Variants in PLCB1 observed in about 807,000 individuals in gnomAD.
The protein encoded by PLCB1 is phospholipase C beta 1, also known as 1-phosphatidylinositol 4,5-bisphosphate phosphodiesterase beta-1.
PLCB1 carries 46 observed loss-of-function variants against 161.8 expected under a neutral mutation model. The ratio of observed to expected loss-of-function variants is 0.28; its 90% CI spans 0.22 to 0.36. The LOEUF is 0.36. PLCB1 is among the 10% of genes least tolerant of loss of function. The pLI is 1.00. For synonymous variants in PLCB1, 517 were observed against 503.7 expected, an observed-to-expected ratio of 1.03 and a Z score of -0.35; for missense variants, 1,016 against 1,472.5, an observed-to-expected ratio of 0.69 and a Z score of 5.07.
chr20:8,133,537 C>A (rs917370278), intron 1 of PLCB1, among the ~76,000 whole-genome samples: 1 of 152,190 alleles, frequency 6.6e-6, no homozygotes, highest in African/African-American at 2.4e-5. Flanking sequence ...CCTAGCCCAG[C>A]GCCGGGGTCT....
At chr20:8,422,184 A>T (rs1030640491) in intron 3 of PLCB1, among the ~76,000 whole-genome samples, 1 of 152,218 alleles carries the variant, frequency 6.6e-6, no homozygotes, top group Non-Finnish European at 1.5e-5. Context: ...TCCCAGGCAT[A>T]GCGTCAGCTG....
chr20:8,658,896 CATT>C (rs144211669), intron 9 of PLCB1, among the ~76,000 whole-genome samples, 192 bp downstream of exon 9: 16 of 152,108 alleles, frequency 1.1e-4, no homozygotes, highest in African/African-American at 2.2e-4. Flanking sequence ...ATTTTTTTGT[CATT>C]GTTGTTATAT....
chr20:8,524,483 T>C (rs1283278441), intron 3 of PLCB1, among the ~76,000 whole-genome samples: 1 of 152,206 alleles, frequency 6.6e-6, no homozygotes, highest in African/African-American at 2.4e-5. Flanking sequence ...CAAATTAGGA[T>C]GAGAATAACC....
intron 31 of PLCB1, among the ~76,000 whole-genome samples, chr20:8,791,170 G>T (rs972382567): frequency 6.6e-6 from 1 of 151,812 alleles, no homozygotes; most frequent in Admixed American, 6.6e-5. Flanking sequence ...TATTATATAA[G>T]ACATTTATTT....
At chr20:8,544,059 A>C (rs1269616657) in intron 3 of PLCB1, among the ~76,000 whole-genome samples, 2 of 152,200 alleles carry the variant, frequency 1.3e-5, no homozygotes, top group Non-Finnish European at 2.9e-5. Context: ...TCACCTCCTT[A>C]TGTGGGTACT....
intron 10 of PLCB1, among the ~76,000 whole-genome samples, chr20:8,691,556 T>A (rs1990479894): frequency 6.6e-6 from 1 of 152,170 alleles, no homozygotes; most frequent in African/African-American, 2.4e-5. Context: ...ACCACCCAAC[T>A]TATTTTCTTG....
chr20:8,601,319 G>A (rs1374713617), intron 3 of PLCB1, among the ~76,000 whole-genome samples: 3 of 152,082 alleles, frequency 2.0e-5, no homozygotes, highest in South Asian at 2.1e-4. Context: ...TTTCATCTCC[G>A]AGGTATTAAG....
chr20:8,615,727 T>G (rs1988025078), intron 3 of PLCB1, among the ~76,000 whole-genome samples: 1 of 152,142 alleles, frequency 6.6e-6, no homozygotes, highest in Non-Finnish European at 1.5e-5. Flanking sequence ...GTGTAACAAA[T>G]TTACTTGACA....
chr20:8,148,267 G>A (rs964398467), intron 1 of PLCB1, among the ~76,000 whole-genome samples: 3 of 152,144 alleles, frequency 2.0e-5, no homozygotes, highest in Non-Finnish European at 2.9e-5. Flanking sequence ...GGAAACATTG[G>A]TGTGAGCTGT....
At chr20:8,304,907 A>G (rs1294916701) in intron 2 of PLCB1, among the ~76,000 whole-genome samples, 1 of 151,994 alleles carries the variant, frequency 6.6e-6, no homozygotes, top group African/African-American at 2.4e-5. Flanking sequence ...AAAGTTTCTC[A>G]TGTCCTCATT....
intron 19 of PLCB1, 31 bp from the exon 20 acceptor site, chr20:8,736,997 T>G: frequency 6.4e-7 from 1 of 1,557,446 alleles, no homozygotes; most frequent in Non-Finnish European, 8.8e-7. Flanking sequence ...TCAAAATTCC[T>G]TATGGATTGA....
At chr20:8,255,927 T>C (rs1034916560) in intron 2 of PLCB1, among the ~76,000 whole-genome samples, 10 of 152,128 alleles carry the variant, frequency 6.6e-5, no homozygotes, top group African/African-American at 2.4e-4. Flanking sequence ...CTGTACCTTT[T>C]ATATGTTTAC....
intron 3 of PLCB1, among the ~76,000 whole-genome samples, chr20:8,478,634 G>T (rs2122736939): frequency 6.6e-6 from 1 of 152,258 alleles, no homozygotes; most frequent in Middle Eastern, 3.4e-3. Flanking sequence ...TGGGGAAACT[G>T]TAGAAATTCT....
chr20:8,865,293 T>C (rs1208047339), intron 31 of PLCB1, among the ~76,000 whole-genome samples: 1 of 152,184 alleles, frequency 6.6e-6, no homozygotes, highest in Non-Finnish European at 1.5e-5. Context: ...ATAGTTAGGA[T>C]TATTCTCTAA....
intron 9 of PLCB1, among the ~76,000 whole-genome samples, chr20:8,684,556 T>C (rs1329141043): frequency 2.6e-5 from 4 of 152,198 alleles, no homozygotes; most frequent in Middle Eastern, 3.4e-3. Context: ...ATTTTGATTA[T>C]AAAGTAACAT....
rs141276037 is a variant in PLCB1, at chr20:8,771,467, G to A, written c.2931-3072G>A. Among the ~76,000 whole-genome samples the A allele has an allele frequency of 4.8e-3, 734 of 152,154 alleles. 4 individuals are homozygous for A. The highest frequency in any genetic ancestry group is 0.01 in the Middle Eastern group (3 of 294). ...CAGCTCTTAGCTTCTGAGAAAAGGA[G>A]TATGGGTTTGATAATTCTCCTCATC... On this transcript the variant is annotated intron_variant, in intron 26 of 31. Transcript: ENST00000338037.
intron 3 of PLCB1, among the ~76,000 whole-genome samples, chr20:8,543,001 C>T (rs2423372): frequency 1.3e-5 from 2 of 152,148 alleles, no homozygotes; most frequent in East Asian, 1.9e-4. Context: ...CAGTGGTAAA[C>T]AGAACAGATC....
rs767161782 is a variant in PLCB1 at position 8,757,080 on chromosome 20, G to C, written c.2558G>C (p.Ser853Thr). 2 of 1,612,914 alleles carry C rather than the reference G, an allele frequency of 1.2e-6. No individual in the cohort carries two copies. Among genetic ancestry groups the C allele is most frequent in the Non-Finnish European group, 1.7e-6 (2 of 1,179,244 alleles). Reference sequence around the variant, plus strand: ...GGAGAAACACCATCAGAGGCTCCAAGTGAAGCGAGAACGACTCCAGCAGAA... The same window carrying C: ...GGAGAAACACCATCAGAGGCTCCAACTGAAGCGAGAACGACTCCAGCAGAA... ...DPGETPSEAP[S>T]EARTTPAENG... is the part of the protein sequence containing the mutation. The change falls in exon 24 of 32, where the codon AGT becomes ACT. Residue 853 changes from serine (S) to threonine (T), a missense_variant. Transcript: ENST00000338037.
intron 3 of PLCB1, among the ~76,000 whole-genome samples, chr20:8,543,671 G>A (rs1011946282): frequency 1.8e-4 from 24 of 134,188 alleles, no homozygotes; most frequent in Non-Finnish European, 2.7e-4. Flanking sequence ...TGGCTGTGCC[G>A]TCACCCAAAT....
Sources: gnomAD v4.1 joint callset for allele counts (sites outside exome capture counted in the v4.1 genomes callset) on GRCh38, gnomAD v4.1.1 for gene constraint, MANE v1.5 for transcripts, NCBI Gene and HGNC (gene_info 2026-07-23, HGNC 2026-07-21) for gene names.